Variants in PRKG1 observed in about 807,000 individuals in gnomAD.
PRKG1 encodes cGMP-dependent protein kinase 1.
A neutral mutation model predicts 88.1 loss-of-function variants in PRKG1; 35 were observed. The ratio of observed to expected loss-of-function variants is 0.40; its 90% CI spans 0.30 to 0.53. The LOEUF is 0.53. Ranked by LOEUF, PRKG1 falls within the 20% of genes least tolerant of loss-of-function variation. PRKG1 has a pLI of 0.59. For synonymous variants in PRKG1, 303 were observed against 292.5 expected (o/e 1.04, Z -0.37); for missense variants, 540 against 839.8 (o/e 0.64, Z 4.41).
intron 5 of PRKG1, among the ~76,000 whole-genome samples, chr10:52,007,186 C>G (rs1312726222): frequency 6.6e-6 from 1 of 152,158 alleles, no homozygotes; most frequent in East Asian, 1.9e-4. Context: ...AGTACACAGA[C>G]AAGTAAACTA....
chr10:52,086,843 C>T (rs1846928163), intron 7 of PRKG1, among the ~76,000 whole-genome samples: 6 of 152,142 alleles, frequency 3.9e-5, no homozygotes, highest in Non-Finnish European at 5.9e-5. Flanking sequence ...CGCAGTTCCG[C>T]AGGGCTGGGG....
At chr10:51,989,067 G>C (rs958320009) in intron 5 of PRKG1, among the ~76,000 whole-genome samples, 1 of 152,080 alleles carries the variant, frequency 6.6e-6, no homozygotes, top group Non-Finnish European at 1.5e-5. Context: ...TACAGCTAGA[G>C]TAGAGATGAG....
rs1325566867 is a variant in PRKG1, at chr10:51,553,855, GTATATAATATATGTATGTATTAGATA to G, written c.592+86020_592+86045del. 3.6e-4 allele frequency among the ~76,000 whole-genome samples: 38 copies of G among 106,442 alleles called. 1 individual carries two copies. Among genetic ancestry groups the G allele is most frequent in the African/African-American group, 1.2e-3 (32 of 27,812 alleles). The allele number at this position is 106,442 out of a possible 152,430, so 69.8% of individuals were successfully genotyped here. A position where few individuals can be genotyped will look rare whatever the true frequency, so the allele number is the denominator to read the frequency against. ...TAATATATGTATGTATTAGATACGT[GTATATAATATATGTATGTATTAGATA>G]CGTGTATATAATATATGTATGTATT... On this transcript the variant is annotated intron_variant, in intron 3 of 17. Coordinates refer to ENST00000373980, the MANE Select transcript of PRKG1 (RefSeq NM_006258.4).
At chr10:51,326,202 C>A (rs1841588978) in intron 2 of PRKG1, among the ~76,000 whole-genome samples, 1 of 152,182 alleles carries the variant, frequency 6.6e-6, no homozygotes, top group Non-Finnish European at 1.5e-5. Context: ...TAATAGTTTG[C>A]AAGTTCCCAA....
intron 3 of PRKG1, among the ~76,000 whole-genome samples, chr10:51,720,563 T>C (rs1729693464): frequency 6.6e-6 from 1 of 152,166 alleles, no homozygotes; most frequent in Non-Finnish European, 1.5e-5. Flanking sequence ...GGGAAGCTGA[T>C]GCTTATGGGT....
intron 3 of PRKG1, among the ~76,000 whole-genome samples, chr10:51,649,491 C>G (rs981538137): frequency 6.6e-6 from 1 of 151,976 alleles, no homozygotes; most frequent in African/African-American, 2.4e-5. Context: ...ATTTGTTTCC[C>G]CACAGATAAG....
At chr10:51,435,224 C>A (rs1335463030) in intron 2 of PRKG1, among the ~76,000 whole-genome samples, 1 of 151,936 alleles carries the variant, frequency 6.6e-6, no homozygotes, top group African/African-American at 2.4e-5. Flanking sequence ...ACATTTTTGG[C>A]TTGTAATGGC....
intron 3 of PRKG1, among the ~76,000 whole-genome samples, chr10:51,684,835 C>T (rs1840944926): frequency 6.6e-6 from 1 of 151,970 alleles, no homozygotes; most frequent in South Asian, 2.1e-4. Context: ...CCATTGCATT[C>T]CAGCCTGGGT....
intron 3 of PRKG1, among the ~76,000 whole-genome samples, chr10:51,634,555 A>C (rs1370515423): frequency 6.6e-6 from 1 of 152,108 alleles, no homozygotes; most frequent in Non-Finnish European, 1.5e-5. Flanking sequence ...ACTTTCTGTA[A>C]GGAATTGGAT....
At chr10:51,728,750 G>A (rs1223472004) in intron 3 of PRKG1, among the ~76,000 whole-genome samples, 1 of 152,112 alleles carries the variant, frequency 6.6e-6, no homozygotes, top group African/African-American at 2.4e-5. Flanking sequence ...AAACTTCCAG[G>A]AGCTTAGGTG....
At chr10:51,196,328 A>G (rs1175824752) in intron 2 of PRKG1, among the ~76,000 whole-genome samples, 1 of 152,214 alleles carries the variant, frequency 6.6e-6, no homozygotes, top group Admixed American at 6.5e-5. Flanking sequence ...TTATTTTTAT[A>G]TACTTTTACA....
At chr10:51,677,341 C>T (rs1840736287) in intron 3 of PRKG1, among the ~76,000 whole-genome samples, 1 of 152,098 alleles carries the variant, frequency 6.6e-6, no homozygotes. Context: ...CAATAATGCA[C>T]ACACTCTTGT....
At chr10:51,021,386 A>G (rs1482644499) in intron 1 of PRKG1, among the ~76,000 whole-genome samples, 2 of 152,178 alleles carry the variant, frequency 1.3e-5, no homozygotes, top group African/African-American at 4.8e-5. Context: ...CTTGCTTCCC[A>G]TAGCATTTCT....
intron 2 of PRKG1, among the ~76,000 whole-genome samples, chr10:51,443,965 A>T (rs1839195873): frequency 6.7e-6 from 1 of 150,078 alleles, no homozygotes; most frequent in East Asian, 1.9e-4. Context: ...CTCGAATTTT[A>T]TCTGAAAATA....
intron 1 of PRKG1, among the ~76,000 whole-genome samples, chr10:51,030,833 T>C (rs1843272915): frequency 6.6e-6 from 1 of 152,206 alleles, no homozygotes; most frequent in African/African-American, 2.4e-5. Flanking sequence ...CAGAAGCAGA[T>C]GCTGGTGCCA....
chr10:51,321,634 G>A (rs1450109579), intron 2 of PRKG1, among the ~76,000 whole-genome samples: 1 of 152,084 alleles, frequency 6.6e-6, no homozygotes, highest in Non-Finnish European at 1.5e-5. Flanking sequence ...TAGTAGCGGG[G>A]GGATGGTTAA....
chr10:51,405,404 A>C (rs1339177261), intron 2 of PRKG1, among the ~76,000 whole-genome samples: 1 of 152,236 alleles, frequency 6.6e-6, no homozygotes, highest in Non-Finnish European at 1.5e-5. Flanking sequence ...TTTTCAAACA[A>C]TGCCAGACAA....
intron 3 of PRKG1, among the ~76,000 whole-genome samples, chr10:51,788,662 C>T (rs1266311347): frequency 6.6e-6 from 1 of 152,058 alleles, no homozygotes; most frequent in Non-Finnish European, 1.5e-5. Flanking sequence ...CTTAACGGGA[C>T]CTAGATAGAA....
intron 5 of PRKG1, among the ~76,000 whole-genome samples, chr10:52,018,747 A>G (rs1845106709): frequency 6.6e-6 from 1 of 152,216 alleles, no homozygotes; most frequent in South Asian, 2.1e-4. Context: ...CAAGACCTCT[A>G]CAATAGGGAA....
Sources: gnomAD v4.1 joint callset for allele counts (sites outside exome capture counted in the v4.1 genomes callset) on GRCh38, gnomAD v4.1.1 for gene constraint, MANE v1.5 for transcripts, NCBI Gene and HGNC (gene_info 2026-07-23, HGNC 2026-07-21) for gene names.